KCNJ12: variants seen among roughly 807,000 people sequenced by gnomAD.
The protein encoded by KCNJ12 is ATP-sensitive inward rectifier potassium channel 12.
A neutral mutation model predicts 22.3 loss-of-function variants in KCNJ12; 2 were observed. That is an observed-to-expected ratio of 0.09 (90% confidence interval 0.04 to 0.28). KCNJ12 has a LOEUF of 0.28. Ranked by LOEUF, KCNJ12 falls within the 10% of genes least tolerant of loss-of-function variation. The pLI is 1.00. For missense variants in KCNJ12, 155 were observed against 633.3 expected (o/e 0.24, Z 8.11); for synonymous variants, 117 against 261.4 (o/e 0.45, Z 5.33).
intron 1 of KCNJ12, among the ~76,000 whole-genome samples, chr17:21,383,189 T>C (rs1381427132): frequency 6.6e-6 from 1 of 152,222 alleles, no homozygotes; most frequent in African/African-American, 2.4e-5. Context: ...AGGTGTGCCC[T>C]TGCCCCTGCC....
At chr17:21,378,987 A>C (rs2144755920) in intron 1 of KCNJ12, among the ~76,000 whole-genome samples, 1 of 152,316 alleles carries the variant, frequency 6.6e-6, no homozygotes, top group South Asian at 2.1e-4. Flanking sequence ...GGGTTTGGAC[A>C]GATGCCTTCA....
At chr17:21,399,428 C>T (rs1467900477) in intron 1 of KCNJ12, among the ~76,000 whole-genome samples, 1 of 152,184 alleles carries the variant, frequency 6.6e-6, no homozygotes, top group Non-Finnish European at 1.5e-5. Context: ...GCTTTCTGAG[C>T]AGACATTGCT....
chr17:21,385,807 TG>T (rs1372096842), intron 1 of KCNJ12, among the ~76,000 whole-genome samples: 5 of 152,182 alleles, frequency 3.3e-5, no homozygotes, highest in African/African-American at 1.2e-4. Context: ...CAGCTGCCGC[TG>T]GGTGGGGATG....
intron 1 of KCNJ12, among the ~76,000 whole-genome samples, chr17:21,387,905 C>CA (rs1429517372): frequency 6.6e-6 from 1 of 152,154 alleles, no homozygotes; most frequent in Non-Finnish European, 1.5e-5. Context: ...TTTGAGGTGT[C>CA]ACTGCTGTGC....
In KCNJ12 at chr17:21,376,675, A is replaced by C. The variant is rs1171114754; in HGVS notation, c.-417A>C. 6.6e-6 allele frequency: 1 copy of C among 151,566 alleles called. No individual in the cohort carries two copies. Among genetic ancestry groups the C allele is most frequent in the East Asian group, 2.0e-4 (1 of 5,128 alleles). 9.4% of individuals were successfully genotyped at this position (151,566 alleles called of 1,614,324 possible). On this transcript the variant is annotated 5_prime_UTR_variant, in exon 1 of 3. Coordinates refer to ENST00000583088, the MANE Select transcript of KCNJ12 (RefSeq NM_021012.5). This position sits in a 1 kb window ranked among gnomAD's most constrained non-coding sequence, Gnocchi z 5.3. The stretch of plus-strand genomic sequence containing the variant: ...GGACCGACGCCAGCCGCCCCGGCCC[A>C]AGCGAGCGCCCAGCGGCCGGGGGCG...
chr17:21,389,723 G>C (rs2144776813), intron 1 of KCNJ12, among the ~76,000 whole-genome samples: 1 of 152,228 alleles, frequency 6.6e-6, no homozygotes, highest in Non-Finnish European at 1.5e-5. Flanking sequence ...GTGGGGGTTG[G>C]GGGCTGCTGT....
At chr17:21,403,449 C>T (rs1193592836) in intron 1 of KCNJ12, among the ~76,000 whole-genome samples, 1 of 152,292 alleles carries the variant, frequency 6.6e-6, no homozygotes, top group African/African-American at 2.4e-5. Flanking sequence ...TCCCAGGATG[C>T]TTCTTGTGTC....
chr17:21,403,598 G>T (rs1259951910), intron 1 of KCNJ12, among the ~76,000 whole-genome samples: 2 of 152,244 alleles, frequency 1.3e-5, no homozygotes, highest in Admixed American at 6.5e-5. Context: ...TGTGCCTCCC[G>T]CTGGGGTTCC....
rs782715315 is a variant in KCNJ12 at position 21,416,547 on chromosome 17, A to G, written c.1205A>G (p.Asp402Gly). The G allele has an allele frequency of 6.2e-7, 1 of 1,609,170 alleles. No individual in the cohort carries two copies. The highest frequency in any genetic ancestry group is 8.5e-7 in the Non-Finnish European group (1 of 1,177,272). Reference sequence around the variant, plus strand: ...GGAGACCAGGACGGCCGAAGCCGGGACGGCCTCAGCCCCCAGGCCAGGCAT... The same window carrying G: ...GGAGACCAGGACGGCCGAAGCCGGGGCGGCCTCAGCCCCCAGGCCAGGCAT... Reference protein sequence around the residue: ...ADGDQDGRSRDGLSPQARHDF... With the variant: ...ADGDQDGRSRGGLSPQARHDF... Residue 402 changes from aspartate (D) to glycine (G), a missense_variant, in exon 3 of 3, where the codon GAC (aspartate) becomes GGC (glycine). Coordinates refer to ENST00000583088, the MANE Select transcript of KCNJ12 (RefSeq NM_021012.5).
intron 1 of KCNJ12, among the ~76,000 whole-genome samples, chr17:21,397,796 C>T (rs546418837): frequency 3.0e-4 from 46 of 152,212 alleles, no homozygotes; most frequent in Admixed American, 8.5e-4. Flanking sequence ...CTCTGCCCTG[C>T]GGCCTCCAGC....
intron 1 of KCNJ12, among the ~76,000 whole-genome samples, chr17:21,388,866 C>A (rs190171258): frequency 1.3e-3 from 190 of 148,476 alleles, no homozygotes; most frequent in Non-Finnish European, 2.0e-3. Flanking sequence ...CCCGCTGGGC[C>A]CCCCCCGAGG....
chr17:21,408,020 T>TCCATCCATCCAC (rs1555561259), intron 1 of KCNJ12, among the ~76,000 whole-genome samples: 12 of 152,280 alleles, frequency 7.9e-5, no homozygotes, highest in Non-Finnish European at 1.2e-4. Flanking sequence ...CATCCATCCA[T>TCCATCCATCCAC]CCACCCATTC....
intron 2 of KCNJ12, among the ~76,000 whole-genome samples, chr17:21,412,043 C>CAT (rs1555561710): frequency 6.6e-6 from 1 of 152,252 alleles, no homozygotes; most frequent in Non-Finnish European, 1.5e-5. Flanking sequence ...CACACACACA[C>CAT]GCACACACGG....
chr17:21,408,170 T>A (rs1415665803), intron 1 of KCNJ12, among the ~76,000 whole-genome samples: 2 of 152,312 alleles, frequency 1.3e-5, no homozygotes, highest in Non-Finnish European at 2.9e-5. Flanking sequence ...ACTACTTCTC[T>A]GGAATAGTAA....
intron 1 of KCNJ12, among the ~76,000 whole-genome samples, chr17:21,390,746 A>G (rs1402458137): frequency 6.6e-6 from 1 of 152,126 alleles, no homozygotes; most frequent in Non-Finnish European, 1.5e-5. Context: ...GTTGGTTTCA[A>G]ATCTCCTTTG....
At position 21,416,534 on chromosome 17, in the gene KCNJ12, G is replaced by A. The variant is rs782375076; in HGVS notation, c.1192G>A (p.Gly398Ser). 9 of 1,609,484 alleles carry A rather than the reference G, an allele frequency of 5.6e-6. No individual in the cohort carries two copies. The highest frequency in any genetic ancestry group is 4.5e-5 in the East Asian group (2 of 44,838). ...GGATGAGGCGGACGGAGACCAGGAC[G>A]GCCGAAGCCGGGACGGCCTCAGCCC... The part of the protein sequence containing the change: ...EEDEADGDQD[G>S]RSRDGLSPQA... The change falls in exon 3 of 3, where the codon GGC becomes AGC. Residue 398 changes from glycine (G) to serine (S), a missense_variant. Coordinates refer to ENST00000583088, the MANE Select transcript of KCNJ12 (RefSeq NM_021012.5).
intron 1 of KCNJ12, among the ~76,000 whole-genome samples, chr17:21,390,350 C>G (rs2144778115): frequency 6.6e-6 from 1 of 152,288 alleles, no homozygotes; most frequent in South Asian, 2.1e-4. Flanking sequence ...TCCCCAGGCC[C>G]CAGGACGCTC....
At chr17:21,389,325 G>A (rs1597559582) in intron 1 of KCNJ12, among the ~76,000 whole-genome samples, 3 of 152,234 alleles carry the variant, frequency 2.0e-5, no homozygotes, top group African/African-American at 7.2e-5. Flanking sequence ...CCTGAGCACT[G>A]TCGTGTGCTG....
chr17:21,398,650 C>A (rs1905464827), intron 1 of KCNJ12, among the ~76,000 whole-genome samples: 1 of 152,214 alleles, frequency 6.6e-6, no homozygotes, highest in African/African-American at 2.4e-5. Flanking sequence ...CCTGGTGCTT[C>A]CCGCTGTCAC....
Sources: gnomAD v4.1 joint callset for allele counts (sites outside exome capture counted in the v4.1 genomes callset) on GRCh38, gnomAD v4.1.1 for gene constraint, Gnocchi (gnomAD v3.1) non-coding constraint, MANE v1.5 for transcripts, NCBI Gene and HGNC (gene_info 2026-07-23, HGNC 2026-07-21) for gene names.